TFB1M: variants seen among roughly 807,000 people sequenced by gnomAD.
TFB1M encodes the protein transcription factor B1, mitochondrial, also known as dimethyladenosine transferase 1, mitochondrial.
TFB1M carries 27 observed loss-of-function variants against 31.1 expected under a neutral mutation model. The ratio of observed to expected loss-of-function variants is 0.87; its 90% CI spans 0.64 to 1.20. The LOEUF (loss-of-function observed/expected upper bound fraction) is 1.20, where lower values mean the gene tolerates loss of function less well. Among genes scored for constraint, TFB1M ranks in the 50% most tolerant of loss-of-function variants. The probability of loss-of-function intolerance (pLI) is 0.00; values close to 1 mark genes in which losing one functional copy is unlikely to be tolerated. For synonymous variants in TFB1M, 166 were observed against 151.8 expected, an observed-to-expected ratio of 1.09 and a Z score of -0.69; for missense variants, 394 against 418.7, an observed-to-expected ratio of 0.94 and a Z score of 0.51.
chr6:155,314,459 T>A lies in TFB1M; in HGVS notation c.-31A>T. 6.2e-7 allele frequency: 1 copy of A among 1,613,502 alleles called. No individual in the cohort carries two copies. The highest frequency in any genetic ancestry group is 8.5e-7 in the Non-Finnish European group (1 of 1,179,870). ...GCGGCAAGCACCATCCAACCCTACC[T>A]CACCCAGGACCTTCACCGCCGCTCC... On this transcript the variant is annotated 5_prime_UTR_variant, in exon 1 of 7. Coordinates refer to ENST00000367166, the MANE Select transcript of TFB1M (RefSeq NM_016020.4).
intron 2 of TFB1M, among the ~76,000 whole-genome samples, chr6:155,310,035 G>A (rs1176490245): frequency 6.6e-6 from 1 of 151,944 alleles, no homozygotes; most frequent in African/African-American, 2.4e-5. Flanking sequence ...AAAACTGCTA[G>A]GTTTCTTAAA....
At chr6:155,289,018 T>C (rs1176018420) in intron 4 of TFB1M, among the ~76,000 whole-genome samples, 4 of 151,960 alleles carry the variant, frequency 2.6e-5, no homozygotes, top group Non-Finnish European at 5.9e-5. Context: ...AGCATTTTGA[T>C]GGAGTATGAG....
chr6:155,292,688 C>T (rs953550747), intron 4 of TFB1M, among the ~76,000 whole-genome samples: 12 of 152,076 alleles, frequency 7.9e-5, no homozygotes, highest in Non-Finnish European at 1.3e-4. Flanking sequence ...TCTCACAATA[C>T]CTGATGTTTT....
the TFB1M span, among the ~76,000 whole-genome samples, chr6:155,238,972 C>T: frequency 1.3e-5 from 2 of 152,086 alleles, no homozygotes. Context: ...GGGGTTGGGG[C>T]ATAGAACAGA....
chr6:155,269,087 A>G (rs1583319713), intron 5 of TFB1M, among the ~76,000 whole-genome samples: 1 of 151,518 alleles, frequency 6.6e-6, no homozygotes, highest in Admixed American at 6.6e-5. Context: ...GTAAATGCTG[A>G]TATGTAAAGC....
intron 6 of TFB1M, among the ~76,000 whole-genome samples, chr6:155,259,946 G>C (rs1321512511): frequency 1.3e-5 from 2 of 152,194 alleles, no homozygotes; most frequent in African/African-American, 4.8e-5. Flanking sequence ...AGGGCAACTC[G>C]GTAGAAAGCA....
At chr6:155,234,196 C>A in the TFB1M span, among the ~76,000 whole-genome samples, 1 of 152,066 alleles carries the variant, frequency 6.6e-6, no homozygotes, top group African/African-American at 2.4e-5. Context: ...AATCTGAGGC[C>A]CCCATTTCAA....
At chr6:155,235,951 T>C in the TFB1M span, among the ~76,000 whole-genome samples, 1 of 152,202 alleles carries the variant, frequency 6.6e-6, no homozygotes, top group Admixed American at 6.5e-5. Context: ...TAACTTATGA[T>C]GTATTTTATC....
the TFB1M span, chr6:155,250,504 C>G: frequency 3.3e-6 from 5 of 1,522,084 alleles, 1 homozygote; most frequent in South Asian, 3.6e-5. Context: ...GTCCTTCACT[C>G]TGGCCAGTTT....
At chr6:155,288,806 T>C (rs1301177358) in intron 4 of TFB1M, among the ~76,000 whole-genome samples, 2 of 152,204 alleles carry the variant, frequency 1.3e-5, no homozygotes, top group African/African-American at 4.8e-5. Flanking sequence ...CTACAAAAGA[T>C]TTCATTCAAA....
At chr6:155,273,949 C>T (rs1329406186) in intron 5 of TFB1M, among the ~76,000 whole-genome samples, 2 of 152,138 alleles carry the variant, frequency 1.3e-5, no homozygotes, top group Non-Finnish European at 2.9e-5. Flanking sequence ...TGTCACAATA[C>T]ATAAGAAATA....
Position 155,314,455 on chromosome 6 carries a change from T to C in TFB1M, c.-27A>G, listed in dbSNP as rs751136734. The C allele has an allele frequency of 6.2e-6, 10 of 1,613,708 alleles. No individual in the cohort carries two copies. Among genetic ancestry groups the C allele is most frequent in the Admixed American group, 3.3e-5 (2 of 60,028 alleles). Reference sequence around the variant, plus strand: ...ATACGCGGCAAGCACCATCCAACCCTACCTCACCCAGGACCTTCACCGCCG... The same window carrying C: ...ATACGCGGCAAGCACCATCCAACCCCACCTCACCCAGGACCTTCACCGCCG... On this transcript the variant is annotated 5_prime_UTR_variant, in exon 1 of 7. Transcript: ENST00000367166.
chr6:155,266,662 C>T (rs1422314820), intron 5 of TFB1M, among the ~76,000 whole-genome samples: 1 of 151,798 alleles, frequency 6.6e-6, no homozygotes, highest in Non-Finnish European at 1.5e-5. Flanking sequence ...CTGGCTAACA[C>T]GGTGAAACCC....
intron 4 of TFB1M, among the ~76,000 whole-genome samples, chr6:155,291,192 G>A (rs576292892): frequency 6.6e-5 from 10 of 152,100 alleles, no homozygotes; most frequent in Non-Finnish European, 1.0e-4. Context: ...CTTAACTTGT[G>A]GGATCTAACA....
chr6:155,314,040 A>C, intron 1 of TFB1M: 2 of 1,317,706 alleles, frequency 1.5e-6, no homozygotes, highest in Non-Finnish European at 2.0e-6. Flanking sequence ...TTCCTCCCCT[A>C]GGGAGCTTGG....
chr6:155,250,291 CTTTT>C, the TFB1M span, among the ~76,000 whole-genome samples: 1 of 133,696 alleles, frequency 7.5e-6, no homozygotes. Context: ...TTGATTTTGC[CTTTT>C]TTTTTTTTTT....
chr6:155,305,140 T>TTA lies in TFB1M; in HGVS notation c.285+6046_285+6047dup, dbSNP rs531146294. On this transcript the variant is annotated intron_variant, in intron 2 of 6. Coordinates refer to ENST00000367166, the MANE Select transcript of TFB1M (RefSeq NM_016020.4). Reference sequence around the variant, plus strand: ...TTTATATATATACATAATTATATATTTATATATATAAATATATATTAAATT... The same window carrying TTA: ...TTTATATATATACATAATTATATATTTATATATATATAAATATATATTAAATT... Among the ~76,000 whole-genome samples the TTA allele has an allele frequency of 2.0e-3, 180 of 89,962 alleles. 30 individuals carry two copies. The highest frequency in any genetic ancestry group is 0.01 in the African/African-American group (176 of 16,940). 59.0% of individuals were successfully genotyped at this position (89,962 alleles called of 152,430 possible).
the TFB1M span, chr6:155,244,890 A>T: frequency 3.2e-5 from 42 of 1,324,140 alleles, no homozygotes; most frequent in African/African-American, 5.6e-4. Context: ...GTGACTATTG[A>T]CTATTTATTG....
chr6:155,285,414 A>T, intron 4 of TFB1M, 137 bp from the exon 5 acceptor site: 1 of 902,490 alleles, frequency 1.1e-6, no homozygotes. Context: ...TATCTGACAC[A>T]TGACACACAG....
Sources: gnomAD v4.1 joint callset for allele counts (sites outside exome capture counted in the v4.1 genomes callset) on GRCh38, gnomAD v4.1.1 for gene constraint, MANE v1.5 for transcripts, NCBI Gene and HGNC (gene_info 2026-07-23, HGNC 2026-07-21) for gene names.